LTBP1: variants seen among roughly 807,000 people sequenced by gnomAD.
LTBP1 encodes the protein latent transforming growth factor beta binding protein 1, also known as latent-transforming growth factor beta-binding protein 1.
A neutral mutation model predicts 207.6 loss-of-function variants in LTBP1; 129 were observed. That is an observed-to-expected ratio of 0.62 (90% CI 0.54 to 0.72). The LOEUF is 0.72. Among genes scored for constraint, LTBP1 ranks in the 30% least tolerant of loss-of-function variants. The pLI, the probability that LTBP1 is intolerant of heterozygous loss-of-function variation, is 0.00. For missense variants in LTBP1, 2,281 were observed against 2,217.2 expected (o/e 1.03, Z -0.58); for synonymous variants, 963 against 833.7 (o/e 1.16, Z -2.67).
intron 5 of LTBP1, among the ~76,000 whole-genome samples, chr2:33,169,543 G>C (rs2085235642): frequency 6.6e-6 from 1 of 152,180 alleles, no homozygotes; most frequent in South Asian, 2.1e-4. Context: ...TAAAATACCA[G>C]CATGAAATAG....
intron 2 of LTBP1, among the ~76,000 whole-genome samples, chr2:32,997,021 A>T (rs1685390837): frequency 6.6e-6 from 1 of 152,034 alleles, no homozygotes; most frequent in African/African-American, 2.4e-5. Context: ...AGTAGCTGGG[A>T]TTACAGGTGC....
chr2:32,976,570 G>A (rs55992496), intron 2 of LTBP1, among the ~76,000 whole-genome samples: 10,821 of 152,292 alleles, frequency 0.071, 543 homozygotes, highest in Non-Finnish European at 0.1. Context: ...ACAGTGGGTA[G>A]GAGTGCTCTA....
intron 2 of LTBP1, among the ~76,000 whole-genome samples, chr2:32,958,393 C>G (rs1324001941): frequency 6.6e-6 from 1 of 152,166 alleles, no homozygotes; most frequent in Non-Finnish European, 1.5e-5. Context: ...TCTTCCATGC[C>G]CCTCTTCTAA....
intron 8 of LTBP1, among the ~76,000 whole-genome samples, chr2:33,218,466 G>T (rs1273862308): frequency 6.6e-6 from 1 of 152,046 alleles, no homozygotes; most frequent in East Asian, 1.9e-4. Flanking sequence ...GGGCAACCTC[G>T]GCTCACTGCA....
intron 7 of LTBP1, among the ~76,000 whole-genome samples, chr2:33,207,670 A>G (rs1486703699): frequency 6.6e-6 from 1 of 152,240 alleles, no homozygotes; most frequent in Non-Finnish European, 1.5e-5. Flanking sequence ...AGTGCTCTTT[A>G]TAACAACGAC....
At chr2:33,387,649 T>G (rs958104573) in intron 31 of LTBP1, among the ~76,000 whole-genome samples, 1 of 152,162 alleles carries the variant, frequency 6.6e-6, no homozygotes, top group Non-Finnish European at 1.5e-5. Flanking sequence ...CACACACACC[T>G]TTGATTCGTC....
intron 5 of LTBP1, among the ~76,000 whole-genome samples, chr2:33,137,686 T>C (rs1464766255): frequency 6.7e-6 from 1 of 148,566 alleles, no homozygotes; most frequent in African/African-American, 2.5e-5. Flanking sequence ...TGCATGGTGA[T>C]TTACAGTTTT....
At chr2:33,099,477 G>A (rs2079584791) in intron 3 of LTBP1, among the ~76,000 whole-genome samples, 1 of 151,978 alleles carries the variant, frequency 6.6e-6, no homozygotes, top group South Asian at 2.1e-4. Context: ...TTTTTGGTGT[G>A]ACTGGAGAAC....
chr2:33,337,958 A>G (rs1301909582), intron 24 of LTBP1, among the ~76,000 whole-genome samples: 1 of 152,202 alleles, frequency 6.6e-6, no homozygotes, highest in Non-Finnish European at 1.5e-5. Context: ...GTATGTATAT[A>G]CGGGACTAAC....
chr2:33,162,107 A>G (rs2084520423), intron 5 of LTBP1, among the ~76,000 whole-genome samples: 1 of 152,230 alleles, frequency 6.6e-6, no homozygotes, highest in Admixed American at 6.5e-5. Flanking sequence ...TCAAAAGAGC[A>G]AATTTGGAGG....
chr2:33,377,259 C>A (rs1270213739), intron 31 of LTBP1, among the ~76,000 whole-genome samples: 1 of 152,150 alleles, frequency 6.6e-6, no homozygotes, highest in Non-Finnish European at 1.5e-5. Context: ...TTTGGAACGC[C>A]GACCAGGGAG....
At chr2:33,345,104 A>C (rs1421137481) in intron 25 of LTBP1, among the ~76,000 whole-genome samples, 2 of 152,236 alleles carry the variant, frequency 1.3e-5, no homozygotes, top group Non-Finnish European at 2.9e-5. Context: ...TACGCACTTC[A>C]CACTGGGTGT....
At chr2:33,119,682 G>A (rs1035433472) in intron 4 of LTBP1, among the ~76,000 whole-genome samples, 2 of 152,028 alleles carry the variant, frequency 1.3e-5, no homozygotes, top group African/African-American at 2.4e-5. Context: ...TCAGCTTCCC[G>A]AGTAGGCTGG....
At chr2:33,251,389 G>A (rs1381707306) in intron 10 of LTBP1, among the ~76,000 whole-genome samples, 3 of 152,128 alleles carry the variant, frequency 2.0e-5, no homozygotes, top group Non-Finnish European at 4.4e-5. Context: ...CTGGGCGCAC[G>A]GTGGCTCACG....
intron 24 of LTBP1, among the ~76,000 whole-genome samples, chr2:33,336,699 C>T (rs2094557399): frequency 6.6e-6 from 1 of 152,126 alleles, no homozygotes; most frequent in African/African-American, 2.4e-5. Context: ...TAGTGAGCTG[C>T]TTCCCCTAAT....
chr2:33,043,452 G>A (rs1406296085), intron 3 of LTBP1, among the ~76,000 whole-genome samples: 1 of 152,070 alleles, frequency 6.6e-6, no homozygotes, highest in Non-Finnish European at 1.5e-5. Flanking sequence ...TATGCATCTT[G>A]CCATGCTATA....
At chr2:32,962,540 G>C (rs1004763135) in intron 2 of LTBP1, among the ~76,000 whole-genome samples, 2 of 152,188 alleles carry the variant, frequency 1.3e-5, no homozygotes, top group Admixed American at 6.5e-5. Context: ...TGCAAGTTAC[G>C]TTTGTTTCGA....
rs1230636616 is a variant in LTBP1 at position 33,000,718 on chromosome 2, AGG to A, written c.566-20188_566-20187del. On this transcript the variant is annotated intron_variant, in intron 2 of 33. Transcript: ENST00000404816. ...TCTTGCCATTTCTGTTGAGGTTAATAGGGGTTCAGTATAATGCATGTTTAATA... is the reference window on the plus strand; with the variant it reads ...TCTTGCCATTTCTGTTGAGGTTAATAGGTTCAGTATAATGCATGTTTAATA... Among the ~76,000 whole-genome samples the A allele has an allele frequency of 5.1e-4, 69 of 134,170 alleles. 9 individuals are homozygous for A. Among genetic ancestry groups the A allele is most frequent in the African/African-American group, 1.3e-3 (52 of 38,538 alleles). 88.0% of individuals were successfully genotyped at this position (134,170 alleles called of 152,430 possible).
At chr2:33,053,812 G>A (rs888066513) in intron 3 of LTBP1, among the ~76,000 whole-genome samples, 1 of 152,204 alleles carries the variant, frequency 6.6e-6, no homozygotes, top group African/African-American at 2.4e-5. Context: ...TGATTAGCTA[G>A]AAAGTTCAAG....
Sources: gnomAD v4.1 joint callset for allele counts (sites outside exome capture counted in the v4.1 genomes callset) on GRCh38, gnomAD v4.1.1 for gene constraint, MANE v1.5 for transcripts, NCBI Gene and HGNC (gene_info 2026-07-23, HGNC 2026-07-21) for gene names.